The following CSMD3 variants were observed in gnomAD, a reference collection of about 807,000 sequenced individuals.
CSMD3 encodes CUB and Sushi multiple domains 3.
In CSMD3, 177 loss-of-function variants were observed where a neutral mutation model predicts 435.2. The observed-to-expected ratio is 0.41, with a 90% confidence interval of 0.36 to 0.46. The LOEUF (loss-of-function observed/expected upper bound fraction) is 0.46, where lower values mean the gene tolerates loss of function less well. Ranked by LOEUF, CSMD3 falls within the 20% of genes least tolerant of loss-of-function variation. CSMD3 has a pLI of 0.34. For missense variants in CSMD3, 4,265 were observed against 4,504.6 expected (o/e 0.95, Z 1.52); for synonymous variants, 1,656 against 1,520.5 (o/e 1.09, Z -2.07).
chr8:112,281,008 G>A (rs1818572205), intron 59 of CSMD3, among the ~76,000 whole-genome samples, 166 bp downstream of exon 59: 1 of 152,056 alleles, frequency 6.6e-6, no homozygotes, highest in Admixed American at 6.6e-5. Flanking sequence ...AAAGTCATTA[G>A]TATACACTCA....
intron 13 of CSMD3, among the ~76,000 whole-genome samples, chr8:112,722,469 G>C (rs890324473): frequency 3.9e-5 from 6 of 152,168 alleles, no homozygotes; most frequent in Admixed American, 1.3e-4. Context: ...ACGGGTGAAA[G>C]CACGTGGTAT....
intron 13 of CSMD3, among the ~76,000 whole-genome samples, chr8:112,739,449 A>G (rs985204033): frequency 1.3e-5 from 2 of 151,830 alleles, no homozygotes; most frequent in Non-Finnish European, 2.9e-5. Flanking sequence ...TTCCACAAAT[A>G]GTTTTTACTG....
chr8:112,938,833 A>G (rs2083364344), intron 9 of CSMD3, among the ~76,000 whole-genome samples: 1 of 152,146 alleles, frequency 6.6e-6, no homozygotes, highest in Admixed American at 6.6e-5. Context: ...AGGGGGAAAA[A>G]GGATCAAATT....
intron 1 of CSMD3, among the ~76,000 whole-genome samples, chr8:113,336,430 C>T (rs1475618546): frequency 1.3e-5 from 2 of 152,026 alleles, no homozygotes; most frequent in Non-Finnish European, 2.9e-5. Context: ...CTAGGGTTGG[C>T]ATCCAATTTG....
At chr8:112,799,454 T>C (rs1200955030) in intron 13 of CSMD3, among the ~76,000 whole-genome samples, 1 of 151,988 alleles carries the variant, frequency 6.6e-6, no homozygotes, top group African/African-American at 2.4e-5. Flanking sequence ...TGTATATTTT[T>C]GTTTTTAAAA....
intron 31 of CSMD3, among the ~76,000 whole-genome samples, chr8:112,477,692 GCCC>G (rs1819199597): frequency 6.6e-6 from 1 of 152,096 alleles, no homozygotes; most frequent in South Asian, 2.1e-4. Flanking sequence ...GCTTTCTGAG[GCCC>G]TCACCAGAAG....
At chr8:112,960,928 A>T (rs1161651832) in intron 7 of CSMD3, among the ~76,000 whole-genome samples, 1 of 151,708 alleles carries the variant, frequency 6.6e-6, no homozygotes, top group Non-Finnish European at 1.5e-5. Flanking sequence ...ACATTTTTTT[A>T]AATCTTAAAC....
In CSMD3 at chr8:113,201,346, C is replaced by A. The variant is rs73701335; in HGVS notation, c.515-27430G>T. ...AAAGTTCAAAATCCTCATGGGCTTA[C>A]AGTCAAAGGTTAATTGAAATTAGTC... On this transcript the variant is annotated intron_variant, in intron 3 of 70. Transcript: ENST00000297405. 4.8e-3 allele frequency among the ~76,000 whole-genome samples: 735 copies of A among 151,964 alleles called. 6 individuals are homozygous for A. Among genetic ancestry groups the A allele is most frequent in the African/African-American group, 0.016 (666 of 41,504 alleles).
chr8:112,335,777 G>T (rs777055513), intron 44 of CSMD3, among the ~76,000 whole-genome samples: 1 of 145,426 alleles, frequency 6.9e-6, no homozygotes. Context: ...GCTTTTAAAT[G>T]CTTGAGGTTT....
intron 42 of CSMD3, 150 bp downstream of exon 42, chr8:112,341,327 T>A: frequency 1.6e-6 from 1 of 615,304 alleles, no homozygotes; most frequent in Admixed American, 3.0e-5. Flanking sequence ...TGCATTGTTC[T>A]AAAAATCTTC....
intron 16 of CSMD3, among the ~76,000 whole-genome samples, chr8:112,678,620 C>T (rs1428205898): frequency 6.6e-6 from 1 of 152,010 alleles, no homozygotes; most frequent in Admixed American, 6.6e-5. Flanking sequence ...AGTTTTCAAA[C>T]AAAAACATTT....
At chr8:112,920,077 C>A (rs1338287740) in intron 10 of CSMD3, among the ~76,000 whole-genome samples, 1 of 151,652 alleles carries the variant, frequency 6.6e-6, no homozygotes, top group Non-Finnish European at 1.5e-5. Flanking sequence ...AGCAAACAAG[C>A]CATCAGAAAT....
chr8:113,327,861 AG>A (rs1167739211), intron 1 of CSMD3, among the ~76,000 whole-genome samples: 2 of 152,118 alleles, frequency 1.3e-5, no homozygotes, highest in Non-Finnish European at 2.9e-5. Context: ...AAAACATAAA[AG>A]GAAGGTCTGG....
chr8:112,578,054 GA>G (rs1830075705), intron 23 of CSMD3, among the ~76,000 whole-genome samples: 1 of 151,866 alleles, frequency 6.6e-6, no homozygotes, highest in East Asian at 1.9e-4. Flanking sequence ...GGTTGATTTG[GA>G]AATTAAATAC....
At chr8:112,922,080 T>G (rs1230061462) in intron 9 of CSMD3, among the ~76,000 whole-genome samples, 3 of 152,086 alleles carry the variant, frequency 2.0e-5, no homozygotes, top group Non-Finnish European at 4.4e-5. Flanking sequence ...TTTTCTGGCA[T>G]GTATTTACAT....
At chr8:112,650,439 C>A in intron 18 of CSMD3, 90 bp from the exon 19 acceptor site, 1 of 1,045,194 alleles carries the variant, frequency 9.6e-7, no homozygotes, top group Non-Finnish European at 1.5e-6. Context: ...CAATTACAAG[C>A]AATGATTTTT....
intron 22 of CSMD3, among the ~76,000 whole-genome samples, chr8:112,599,461 C>T (rs1289890755): frequency 3.3e-5 from 5 of 150,184 alleles, no homozygotes; most frequent in Non-Finnish European, 7.4e-5. Context: ...GTCAGTGTGG[C>T]GATTCCTCAG....
intron 6 of CSMD3, among the ~76,000 whole-genome samples, chr8:112,989,197 C>T (rs1387327383): frequency 6.6e-6 from 1 of 151,878 alleles, no homozygotes; most frequent in Admixed American, 6.6e-5. Context: ...GATTTTTGAG[C>T]TAAAACCATA....
rs181981072 is a variant in CSMD3 at position 112,609,524 on chromosome 8, G to A, written c.3716-22289C>T. On this transcript the variant is annotated intron_variant, in intron 22 of 70. Transcript: ENST00000297405. ...TAAAGAAAAAAGATAAAAAATGTTGGCATGGATATGGAGAAAGGGGAACCC... is the reference window on the plus strand; with the variant it reads ...TAAAGAAAAAAGATAAAAAATGTTGACATGGATATGGAGAAAGGGGAACCC... Among the ~76,000 whole-genome samples, 13 of 152,184 alleles carry A rather than the reference G, an allele frequency of 8.5e-5. No homozygotes were observed. In the East Asian group the frequency reaches 2.3e-3, roughly 27 times the overall value.
Sources: allele counts gnomAD v4.1 joint callset (sites outside exome capture counted in the v4.1 genomes callset), GRCh38; gene constraint gnomAD v4.1.1; transcripts MANE v1.5; gene names NCBI Gene and HGNC (gene_info 2026-07-23, HGNC 2026-07-21).